The following ECSCR variants were observed in gnomAD, a reference collection of about 807,000 sequenced individuals.
ECSCR encodes the protein endothelial cell-specific chemotaxis regulator.
In ECSCR, 12 loss-of-function variants were observed where a neutral mutation model predicts 16.7. The observed-to-expected ratio is 0.72, with a 90% CI of 0.46 to 1.17. ECSCR has a LOEUF of 1.17. Among genes scored for constraint, ECSCR ranks in the 50% most tolerant of loss-of-function variants. ECSCR has a pLI of 0.00. For missense variants in ECSCR, 122 were observed against 116.1 expected (o/e 1.05, Z -0.23); for synonymous variants, 44 against 42.2 (o/e 1.04, Z -0.17).
intron 1 of ECSCR, 23 bp from the exon 2 acceptor site, chr5:139,458,206 T>C: frequency 6.5e-7 from 1 of 1,549,048 alleles, no homozygotes. Context: ...GCAAAACACA[T>C]AGCTTGGTAA....
intron 1 of ECSCR, among the ~76,000 whole-genome samples, chr5:139,459,317 G>C (rs1751241616): frequency 6.6e-6 from 1 of 152,166 alleles, no homozygotes. Context: ...TGTGCAGAAA[G>C]TAAGTTCTGA....
intron 8 of ECSCR, 97 bp from the exon 9 acceptor site, chr5:139,449,271 C>CA (rs1750976324): frequency 1.2e-6 from 1 of 864,406 alleles, no homozygotes; most frequent in African/African-American, 1.7e-5. Flanking sequence ...ACCTTTGTCT[C>CA]AAAAAATCTA....
At chr5:139,462,237 A>G (rs2152090621) in intron 1 of ECSCR, among the ~76,000 whole-genome samples, 1 of 152,248 alleles carries the variant, frequency 6.6e-6, no homozygotes, top group South Asian at 2.1e-4. Context: ...CAGTTGAGAG[A>G]GTGGCCGTCG....
In ECSCR at chr5:139,458,124, T is replaced by G. The variant is rs1339784359; in HGVS notation, c.106+15A>C. 2 of 1,548,714 alleles carry G rather than the reference T, an allele frequency of 1.3e-6. No individual in the cohort carries two copies. The highest frequency in any genetic ancestry group is 2.7e-5 in the African/African-American group (2 of 72,924). On this transcript the variant is annotated intron_variant, in intron 2 of 9. Coordinates refer to ENST00000618155, the MANE Select transcript of ECSCR (RefSeq NM_001077693.4). ...AGGCCTACACGCTGGAGTAGACCCA[T>G]GTGTTTGGTCTTACCCTGAGAGCTA...
intron 1 of ECSCR, among the ~76,000 whole-genome samples, 190 bp downstream of exon 1, chr5:139,462,420 G>A (rs188821534): frequency 1.0e-3 from 158 of 152,274 alleles, no homozygotes; most frequent in East Asian, 4.1e-3. Flanking sequence ...GGGTTTAACC[G>A]TAGCTCCATT....
chr5:139,456,352 C>A, intron 5 of ECSCR, 122 bp downstream of exon 5: 1 of 392,282 alleles, frequency 2.5e-6, no homozygotes, highest in Non-Finnish European at 4.5e-6. Context: ...TCTCTCCTCA[C>A]TTCCCCTTCC....
At chr5:139,462,386 C>T (rs1751326411) in intron 1 of ECSCR, among the ~76,000 whole-genome samples, 1 of 152,132 alleles carries the variant, frequency 6.6e-6, no homozygotes, top group Non-Finnish European at 1.5e-5. Context: ...GAGCCCAGCT[C>T]CCCCAGGACA....
In ECSCR at chr5:139,456,273, A is replaced by C. The variant is rs897366752; in HGVS notation, c.262+201T>G. On this transcript the variant is annotated intron_variant, in intron 5 of 9. Coordinates refer to ENST00000618155, the MANE Select transcript of ECSCR (RefSeq NM_001077693.4). ...ACAAGACTCCTTCTCAACAAAAAAA[A>C]GGTGCTATGTCACCTGTGTCTTCCC... Among the ~76,000 whole-genome samples the C allele has an allele frequency of 6.2e-3, 950 of 152,310 alleles. 7 individuals are homozygous for C. The highest frequency in any genetic ancestry group is 0.022 in the African/African-American group (904 of 41,572).
At chr5:139,449,841 C>T (rs545127025) in intron 8 of ECSCR, among the ~76,000 whole-genome samples, 6 of 151,970 alleles carry the variant, frequency 3.9e-5, no homozygotes, top group South Asian at 2.1e-4. Flanking sequence ...CCTGCCTCAG[C>T]GTCCCAAAGT....
intron 8 of ECSCR, among the ~76,000 whole-genome samples, chr5:139,453,952 G>A (rs1298757914): frequency 1.4e-5 from 2 of 147,148 alleles, no homozygotes; most frequent in Non-Finnish European, 3.0e-5. Flanking sequence ...GAGATGTGTG[G>A]GTGTGTGTGT....
intron 8 of ECSCR, among the ~76,000 whole-genome samples, chr5:139,451,600 A>G (rs1751050538): frequency 8.6e-6 from 1 of 115,654 alleles, no homozygotes; most frequent in African/African-American, 3.4e-5. Flanking sequence ...GTCTGTGTGT[A>G]TGGTATGGGG....
chr5:139,452,201 GGGA>G, intron 8 of ECSCR, among the ~76,000 whole-genome samples: 1 of 146,122 alleles, frequency 6.8e-6, no homozygotes, highest in South Asian at 2.2e-4. Flanking sequence ...TGTGGGGTGT[GGGA>G]TGTGTGGTGT....
At chr5:139,458,856 AAAAAG>A (rs1156398650) in intron 1 of ECSCR, among the ~76,000 whole-genome samples, 2 of 151,896 alleles carry the variant, frequency 1.3e-5, no homozygotes, top group African/African-American at 2.4e-5. Flanking sequence ...AAAAAAAAAA[AAAAAG>A]AAAAGAAAAC....
intron 1 of ECSCR, among the ~76,000 whole-genome samples, chr5:139,460,873 T>C (rs1751285998): frequency 6.6e-6 from 1 of 152,170 alleles, no homozygotes; most frequent in South Asian, 2.1e-4. Flanking sequence ...TCGTGGATTT[T>C]AATCGAGCCT....
At chr5:139,449,056 G>T in intron 9 of ECSCR, 22 bp downstream of exon 9, 1 of 1,534,930 alleles carries the variant, frequency 6.5e-7, no homozygotes, top group Non-Finnish European at 8.7e-7. Context: ...GGGGAAGGAA[G>T]GCAGGAAACA....
At chr5:139,458,329 T>A in intron 1 of ECSCR, 146 bp from the exon 2 acceptor site, 1 of 704,924 alleles carries the variant, frequency 1.4e-6, no homozygotes, top group Non-Finnish European at 2.3e-6. Flanking sequence ...TGTTTTGTTT[T>A]TTTTTTTTTT....
chr5:139,454,276 G>A (rs1252807452), intron 8 of ECSCR, among the ~76,000 whole-genome samples: 1 of 149,790 alleles, frequency 6.7e-6, no homozygotes, highest in African/African-American at 2.5e-5. Flanking sequence ...TGGGGTGTGT[G>A]GTATGTGGTG....
Position 139,448,924 on chromosome 5 carries a change from A to G in ECSCR, c.610-16T>C. 1 of 1,537,276 alleles carries G rather than the reference A, an allele frequency of 6.5e-7. No individual in the cohort carries two copies. Among genetic ancestry groups the G allele is most frequent in the Non-Finnish European group, 8.7e-7 (1 of 1,146,906 alleles). On this transcript the variant is annotated splice_polypyrimidine_tract_variant and intron_variant, in intron 9 of 9. Coordinates refer to ENST00000618155, the MANE Select transcript of ECSCR (RefSeq NM_001077693.4). ...TTTAAAGAACCTGCAAAATAAATGC[A>G]TAATGGGGAAGGGTGAACTTTTTAG...
At chr5:139,456,411 G>T in intron 5 of ECSCR, 63 bp downstream of exon 5, 2 of 398,104 alleles carry the variant, frequency 5.0e-6, no homozygotes, top group Non-Finnish European at 8.9e-6. Flanking sequence ...GGGATAAGAC[G>T]AGAGAAAGGG....
Sources: allele counts gnomAD v4.1 joint callset (sites outside exome capture counted in the v4.1 genomes callset), GRCh38; gene constraint gnomAD v4.1.1; transcripts MANE v1.5; gene names NCBI Gene and HGNC (gene_info 2026-07-23, HGNC 2026-07-21).